Variants in ARID5B observed in about 807,000 individuals in gnomAD.
The protein encoded by ARID5B is AT-rich interaction domain 5B.
A neutral mutation model predicts 97.2 loss-of-function variants in ARID5B; 13 were observed. The observed-to-expected ratio is 0.13, with a 90% CI of 0.09 to 0.21. The LOEUF (loss-of-function observed/expected upper bound fraction) is 0.21. Ranked by LOEUF, ARID5B falls within the 10% of genes least tolerant of loss-of-function variation. The pLI is 1.00. For missense variants in ARID5B, 1,210 were observed against 1,465.3 expected, an observed-to-expected ratio of 0.83 and a Z score of 2.84; for synonymous variants, 556 against 570.3, an observed-to-expected ratio of 0.97 and a Z score of 0.36.
At chr10:61,979,159 C>T (rs1838742758) in intron 3 of ARID5B, among the ~76,000 whole-genome samples, 1 of 152,202 alleles carries the variant, frequency 6.6e-6, no homozygotes, top group Non-Finnish European at 1.5e-5. Context: ...GCACCCAAAC[C>T]TCTGCAGCAC....
rs767271895 is a variant in ARID5B, at chr10:62,092,538, G to A, written c.3075G>A (p.Gly1025=). The change falls in exon 10 of 10, where the codon GGG becomes GGA. Residue 1025 remains glycine (G), a synonymous_variant. Coordinates refer to ENST00000279873, the MANE Select transcript of ARID5B (RefSeq NM_032199.3). ...AGGATTTGGACCTTGTGATTGCAGGGAAAAAGGCCCGGGCAGTGTCTCCCT... is the reference window on the plus strand; with the variant it reads ...AGGATTTGGACCTTGTGATTGCAGGAAAAAAGGCCCGGGCAGTGTCTCCCT... The part of the protein sequence containing the change: ...SLEDLDLVIA[G]KKARAVSPLD... 3 of 1,614,176 alleles carry A rather than the reference G, an allele frequency of 1.9e-6. No homozygotes were observed. The highest frequency in any genetic ancestry group is 2.5e-6 in the Non-Finnish European group (3 of 1,180,026).
chr10:61,955,423 G>A (rs950357758), intron 3 of ARID5B, among the ~76,000 whole-genome samples: 3 of 152,194 alleles, frequency 2.0e-5, no homozygotes, highest in Non-Finnish European at 4.4e-5. Flanking sequence ...TTGACTTAAA[G>A]GAGGTGGGGA....
At chr10:61,920,121 T>G (rs1843986368) in intron 2 of ARID5B, among the ~76,000 whole-genome samples, 1 of 152,134 alleles carries the variant, frequency 6.6e-6, no homozygotes, top group Non-Finnish European at 1.5e-5. Context: ...GTCTTAATTT[T>G]TTTTTCTTTT....
intron 3 of ARID5B, among the ~76,000 whole-genome samples, chr10:61,984,268 T>A (rs1838817141): frequency 6.6e-6 from 1 of 152,218 alleles, no homozygotes; most frequent in Non-Finnish European, 1.5e-5. Context: ...AGGATAGGAC[T>A]GGGAGCTCCC....
intron 7 of ARID5B, among the ~76,000 whole-genome samples, chr10:62,059,669 T>C (rs558833105): frequency 1.3e-5 from 2 of 152,202 alleles, no homozygotes; most frequent in South Asian, 2.1e-4. Context: ...GGGAAATGTA[T>C]TAAAGGCTTT....
intron 4 of ARID5B, among the ~76,000 whole-genome samples, chr10:62,009,466 C>A (rs903554441): frequency 2.6e-5 from 4 of 152,170 alleles, no homozygotes; most frequent in Admixed American, 2.6e-4. Flanking sequence ...GAGGCCATTA[C>A]AAATGTTCTT....
chr10:62,032,116 C>T (rs1589266197), intron 4 of ARID5B, among the ~76,000 whole-genome samples: 1 of 152,122 alleles, frequency 6.6e-6, no homozygotes, highest in East Asian at 1.9e-4. Context: ...CGCTAGTGGC[C>T]AGCCAGGGCA....
At chr10:61,970,613 A>C (rs1838613141) in intron 3 of ARID5B, among the ~76,000 whole-genome samples, 1 of 152,186 alleles carries the variant, frequency 6.6e-6, no homozygotes, top group Non-Finnish European at 1.5e-5. Flanking sequence ...TGCTGGCAAG[A>C]GCGCCGAGGA....
chr10:62,086,682 CTCCA>C (rs1224114697), intron 9 of ARID5B, among the ~76,000 whole-genome samples: 1 of 102,748 alleles, frequency 9.7e-6, no homozygotes, highest in African/African-American at 4.0e-5. Flanking sequence ...CAGAGCAAGA[CTCCA>C]TCTCAAAAAA....
At chr10:62,019,227 A>C (rs528361306) in intron 4 of ARID5B, among the ~76,000 whole-genome samples, 11 of 152,152 alleles carry the variant, frequency 7.2e-5, no homozygotes, top group African/African-American at 2.4e-4. Context: ...TTCTGATTAA[A>C]CCCACTCAAA....
In ARID5B at chr10:62,093,076, T is replaced by C; in HGVS notation, c.*46T>C. 1 of 1,555,082 alleles carries C rather than the reference T, an allele frequency of 6.4e-7. No homozygotes were observed. Among genetic ancestry groups the C allele is most frequent in the South Asian group, 1.2e-5 (1 of 81,804 alleles). On this transcript the variant is annotated 3_prime_UTR_variant, in exon 10 of 10. Coordinates refer to ENST00000279873, the MANE Select transcript of ARID5B (RefSeq NM_032199.3). Reference sequence around the variant, plus strand: ...CCAAAGCGGCATGGCCAACAGAGCTTCACTCCTTACCCAGGAGTGCTGGCT... The same window carrying C: ...CCAAAGCGGCATGGCCAACAGAGCTCCACTCCTTACCCAGGAGTGCTGGCT...
chr10:62,000,689 T>C lies in ARID5B; in HGVS notation c.733+368T>C, dbSNP rs1839066096. On this transcript the variant is annotated intron_variant, in intron 4 of 9. Coordinates refer to ENST00000279873, the MANE Select transcript of ARID5B (RefSeq NM_032199.3). This position sits in a 1 kb window ranked among gnomAD's most constrained non-coding sequence, Gnocchi z 4.4. ...ACTCTCTTTTCATTGTTATAAGGTA[T>C]TGTAAAAATGCACCAATGGTAACCA... 6.6e-6 allele frequency among the ~76,000 whole-genome samples: 1 copy of C among 152,160 alleles called. No individual in the cohort carries two copies.
In ARID5B at chr10:61,918,548, G is replaced by A. The variant is rs186016421; in HGVS notation, c.276+16135G>A. Among the ~76,000 whole-genome samples, 11 of 152,252 alleles carry A rather than the reference G, an allele frequency of 7.2e-5. No homozygotes were observed. The East Asian group carries it at 2.1e-3, about 29-fold the overall frequency. ...AACTAATTTATGGGTTGAGATATTG[G>A]ACTATTATTTGAAAAACAGGAACTA... On this transcript the variant is annotated intron_variant, in intron 2 of 9. Coordinates refer to ENST00000279873, the MANE Select transcript of ARID5B (RefSeq NM_032199.3).
intron 7 of ARID5B, among the ~76,000 whole-genome samples, chr10:62,061,859 A>G (rs1839925490): frequency 6.6e-6 from 1 of 152,188 alleles, no homozygotes; most frequent in Admixed American, 6.5e-5. Context: ...GATCCCCTTC[A>G]CTGGGGCTGG....
chr10:61,910,455 T>C (rs1189731892), intron 2 of ARID5B, among the ~76,000 whole-genome samples: 3 of 152,234 alleles, frequency 2.0e-5, no homozygotes. Context: ...AATTTATCGA[T>C]TGTTGGCTTA....
At chr10:62,057,680 A>G (rs1047339956) in intron 6 of ARID5B, among the ~76,000 whole-genome samples, 3 of 152,212 alleles carry the variant, frequency 2.0e-5, no homozygotes, top group African/African-American at 7.2e-5. Flanking sequence ...GCCTGTGAAA[A>G]AAACAGCTTT....
intron 2 of ARID5B, among the ~76,000 whole-genome samples, chr10:61,927,070 C>T (rs1844120025): frequency 6.6e-6 from 1 of 152,124 alleles, no homozygotes; most frequent in African/African-American, 2.4e-5. Flanking sequence ...GTTACAGGAC[C>T]ATTATTGTTC....
intron 2 of ARID5B, among the ~76,000 whole-genome samples, chr10:61,918,478 C>G (rs565152892): frequency 6.6e-6 from 1 of 152,142 alleles, no homozygotes; most frequent in African/African-American, 2.4e-5. Flanking sequence ...GGACCACATC[C>G]TAAGTTTTGA....
chr10:61,910,801 A>G (rs1843790668), intron 2 of ARID5B, among the ~76,000 whole-genome samples: 1 of 152,224 alleles, frequency 6.6e-6, no homozygotes, highest in African/African-American at 2.4e-5. Context: ...AAAGATGGAT[A>G]TTTGACATTT....
Sources: allele counts gnomAD v4.1 joint callset (sites outside exome capture counted in the v4.1 genomes callset), GRCh38; gene constraint gnomAD v4.1.1; non-coding constraint Gnocchi (gnomAD v3.1); transcripts MANE v1.5; gene names NCBI Gene and HGNC (gene_info 2026-07-23, HGNC 2026-07-21).